Variants in HSPG2 observed in about 807,000 individuals in gnomAD.
HSPG2 encodes the protein basement membrane-specific heparan sulfate proteoglycan core protein.
A neutral mutation model predicts 526.6 loss-of-function variants in HSPG2; 278 were observed. The observed-to-expected ratio is 0.53, with a 90% CI of 0.48 to 0.58. HSPG2 has a LOEUF of 0.58. HSPG2 is among the 20% of genes least tolerant of loss of function. The probability of loss-of-function intolerance (pLI) is 0.00; values close to 1 mark genes in which losing one functional copy is unlikely to be tolerated. For synonymous variants in HSPG2, 2,465 were observed against 2,555.4 expected (o/e 0.96, Z 1.07); for missense variants, 5,354 against 6,099.5 (o/e 0.88, Z 4.07).
At chr1:21,845,544 A>T (rs1395080102) in intron 64 of HSPG2, among the ~76,000 whole-genome samples, 1 of 151,922 alleles carries the variant, frequency 6.6e-6, no homozygotes, top group Non-Finnish European at 1.5e-5. Context: ...ACACCCAGGT[A>T]ATTTTTTGTA....
At chr1:21,935,073 A>G (rs1202408928) in intron 1 of HSPG2, among the ~76,000 whole-genome samples, 2 of 145,544 alleles carry the variant, frequency 1.4e-5, no homozygotes, top group Non-Finnish European at 3.0e-5. Context: ...CACCCGTCTA[A>G]TTTTTGTATT....
At chr1:21,931,364 G>A (rs1342688793) in intron 1 of HSPG2, among the ~76,000 whole-genome samples, 1 of 152,276 alleles carries the variant, frequency 6.6e-6, no homozygotes, top group Non-Finnish European at 1.5e-5. Context: ...CCCGGGAGCA[G>A]GAGGGGGTGG....
rs780153688 is a variant in HSPG2 at position 21,855,323 on chromosome 1, C to G, written c.5978G>C (p.Gly1993Ala). 2.5e-6 allele frequency: 4 copies of G among 1,606,966 alleles called. No homozygotes were observed. Among genetic ancestry groups the G allele is most frequent in the Non-Finnish European group, 2.5e-6 (3 of 1,177,646 alleles). Residue 1993 changes from glycine to alanine, a missense_variant, in exon 47 of 97, where the codon GGG (glycine) becomes GCG (alanine). Physicochemically the swap from Gly to Ala is moderately conservative, Grantham distance 60 (BLOSUM62 0). Coordinates refer to ENST00000374695, the MANE Select transcript of HSPG2 (RefSeq NM_005529.7). Reference sequence around the variant, plus strand: ...CCTCACCTGTGGTGGGAGGCTGCCCCCTTCCTTCCTCCAGGTGATGGTGGC... The same window carrying G: ...CCTCACCTGTGGTGGGAGGCTGCCCGCTTCCTTCCTCCAGGTGATGGTGGC... ...PSATITWRKE[G>A]GSLPPQARSE...
chr1:21,839,796 C>G lies in HSPG2; in HGVS notation c.9709+26G>C, dbSNP rs1180331129. 1 of 1,610,994 alleles carries G rather than the reference C, an allele frequency of 6.2e-7. No individual in the cohort carries two copies. The highest frequency in any genetic ancestry group is 1.7e-5 in the Admixed American group (1 of 59,962). ...CCCCAGGGCATCCCTGCCCTGCCAG[C>G]CCTATGTGCCAGCCCTTGGTCACAC... On this transcript the variant is annotated intron_variant, in intron 72 of 96. Coordinates refer to ENST00000374695, the MANE Select transcript of HSPG2 (RefSeq NM_005529.7). The surrounding 1 kb of genome is among the most constrained non-coding windows in gnomAD (Gnocchi z 4.5).
chr1:21,928,739 T>A (rs1644271467), intron 1 of HSPG2, among the ~76,000 whole-genome samples: 1 of 143,650 alleles, frequency 7.0e-6, no homozygotes. Context: ...ACCGCGCCCA[T>A]CCTTTATTCA....
At chr1:21,835,117 C>A in intron 76 of HSPG2, 172 bp from the exon 77 acceptor site, 1 of 755,990 alleles carries the variant, frequency 1.3e-6, no homozygotes, top group Non-Finnish European at 2.3e-6. Flanking sequence ...AGGTCTTATG[C>A]ATTTACTCAC....
intron 74 of HSPG2, 145 bp from the exon 75 acceptor site, chr1:21,837,151 T>C: frequency 1.3e-6 from 1 of 763,540 alleles, no homozygotes; most frequent in African/African-American, 1.7e-5. Flanking sequence ...GACCGTTCAG[T>C]GGCAGATTCA....
intron 1 of HSPG2, among the ~76,000 whole-genome samples, chr1:21,925,684 A>G (rs1425034637): frequency 3.3e-5 from 5 of 152,012 alleles, no homozygotes; most frequent in African/African-American, 9.7e-5. Context: ...AGCCTCCTAT[A>G]ACCCTCTGCC....
In HSPG2 at chr1:21,822,660, G is replaced by C. The variant is rs2152680931; in HGVS notation, c.*656C>G. On this transcript the variant is annotated 3_prime_UTR_variant, in exon 97 of 97. Transcript: ENST00000374695. The stretch of plus-strand genomic sequence containing the variant: ...GGGCCTTCCCTTACAGCCCCTGAGG[G>C]AGGGACCCCAGGCTGTGTGCTGGCA... 5.5e-6 allele frequency: 1 copy of C among 183,468 alleles called. No homozygotes were observed. Among genetic ancestry groups the C allele is most frequent in the Admixed American group, 5.5e-5 (1 of 18,160 alleles). The allele number at this position is 183,468 out of a possible 1,614,324, so 11.4% of individuals were successfully genotyped here.
At chr1:21,932,701 C>T (rs148107299) in intron 1 of HSPG2, among the ~76,000 whole-genome samples, 60 of 152,256 alleles carry the variant, frequency 3.9e-4, no homozygotes, top group African/African-American at 1.3e-3. Context: ...ATTACGGGGA[C>T]AAATGTCCCA....
At chr1:21,845,973 G>A (rs1366146554) in intron 64 of HSPG2, 135 bp downstream of exon 64, 37 of 1,090,570 alleles carry the variant, frequency 3.4e-5, no homozygotes, top group African/African-American at 1.1e-4. Flanking sequence ...TGTGGGTGGC[G>A]GGAGGTGAAG....
chr1:21,931,580 C>T (rs1396337002), intron 1 of HSPG2, among the ~76,000 whole-genome samples: 1 of 152,146 alleles, frequency 6.6e-6, no homozygotes, highest in Non-Finnish European at 1.5e-5. Context: ...CCAGTCTGAC[C>T]CCTCATAGCT....
chr1:21,905,597 C>A (rs754650357), intron 1 of HSPG2, among the ~76,000 whole-genome samples: 3 of 152,172 alleles, frequency 2.0e-5, no homozygotes, highest in Non-Finnish European at 4.4e-5. Flanking sequence ...CAAAACTTAG[C>A]CTGGTGTGGT....
At chr1:21,933,767 G>A (rs370387183) in intron 1 of HSPG2, among the ~76,000 whole-genome samples, 2 of 152,234 alleles carry the variant, frequency 1.3e-5, no homozygotes, top group African/African-American at 4.8e-5. Flanking sequence ...TTCCCTCCGG[G>A]AATGTCCAGG....
At chr1:21,906,380 A>G (rs1380377738) in intron 1 of HSPG2, among the ~76,000 whole-genome samples, 2 of 152,236 alleles carry the variant, frequency 1.3e-5, no homozygotes, top group Non-Finnish European at 2.9e-5. Context: ...GGCATCGGCA[A>G]CAGGAAAAAA....
intron 33 of HSPG2, among the ~76,000 whole-genome samples, chr1:21,871,552 G>A (rs903352137): frequency 6.6e-6 from 1 of 152,112 alleles, no homozygotes; most frequent in Non-Finnish European, 1.5e-5. Context: ...GTGGGCTCTG[G>A]CCTTTGGCAG....
chr1:21,836,932 C>T lies in HSPG2; in HGVS notation c.10225G>A (p.Glu3409Lys). ...ACGCTGGCCCCAATGCTCTTGGTCT[C>T]TAGCTGAGGCGTGACCTGCACGGTG... is the stretch of plus-strand genomic sequence containing the variant. ...TPTVQVTPQLETKSIGASVEF... is the reference protein window; with the variant it reads ...TPTVQVTPQLKTKSIGASVEF... Residue 3409 changes from glutamate (E) to lysine (K), a missense_variant, in exon 75 of 97, where the codon GAG becomes AAG. Transcript: ENST00000374695. 6.4e-7 allele frequency: 1 copy of T among 1,557,350 alleles called. No individual in the cohort carries two copies. Among genetic ancestry groups the T allele is most frequent in the Non-Finnish European group, 8.7e-7 (1 of 1,150,324 alleles).
At chr1:21,896,405 C>A in intron 1 of HSPG2, 95 bp from the exon 2 acceptor site, 2 of 1,422,318 alleles carry the variant, frequency 1.4e-6, no homozygotes, top group East Asian at 2.3e-5. Flanking sequence ...CAGAATCCCA[C>A]CTTCAGGCCC....
chr1:21,890,041 C>T lies in HSPG2; in HGVS notation c.514G>A (p.Gly172Ser), dbSNP rs41312001. The change falls in exon 6 of 97, where the codon GGC (glycine) becomes AGC (serine). Residue 172 changes from glycine (G) to serine (S), a missense_variant. Coordinates refer to ENST00000374695, the MANE Select transcript of HSPG2 (RefSeq NM_005529.7). The surrounding 1 kb of genome is among the most constrained non-coding windows in gnomAD (Gnocchi z 4.1). ...GAGGTGACGTAGGAGGCCACAGAGCCGCTGGAGATGACCCTGAGCAGCATC... is the reference window on the plus strand; with the variant it reads ...GAGGTGACGTAGGAGGCCACAGAGCTGCTGGAGATGACCCTGAGCAGCATC... ...QEMLLRVISS[G>S]SVASYVTSPQ... 3.3e-5 allele frequency: 54 copies of T among 1,614,068 alleles called. No individual in the cohort carries two copies. The highest frequency in any genetic ancestry group is 2.3e-4 in the African/African-American group (17 of 75,010).
Sources: gnomAD v4.1 joint callset for allele counts (sites outside exome capture counted in the v4.1 genomes callset) on GRCh38, gnomAD v4.1.1 for gene constraint, Gnocchi (gnomAD v3.1) non-coding constraint, MANE v1.5 for transcripts, NCBI Gene and HGNC (gene_info 2026-07-23, HGNC 2026-07-21) for gene names.